Variants in MSI2 observed in about 807,000 individuals in gnomAD.
MSI2 encodes RNA-binding protein Musashi homolog 2.
In MSI2, 17 loss-of-function variants were observed where a neutral mutation model predicts 45.6. The ratio of observed to expected loss-of-function variants is 0.37; its 90% CI spans 0.26 to 0.56. The LOEUF (loss-of-function observed/expected upper bound fraction) is 0.56, where lower values mean the gene tolerates loss of function less well. Ranked by LOEUF, MSI2 falls within the 20% of genes least tolerant of loss-of-function variation. The probability of loss-of-function intolerance (pLI) is 0.77; values close to 1 mark genes in which losing one functional copy is unlikely to be tolerated. For synonymous variants in MSI2, 156 were observed against 158.2 expected (o/e 0.99, Z 0.11); for missense variants, 293 against 444.2 (o/e 0.66, Z 3.06).
rs1287326652 is a variant in MSI2 at position 57,627,437 on chromosome 17, C to T, written c.727+134C>T. The T allele has an allele frequency of 1.2e-6, 1 of 806,510 alleles. No individual in the cohort carries two copies. Among genetic ancestry groups the T allele is most frequent in the Non-Finnish European group, 2.1e-6 (1 of 476,580 alleles). 50.0% of individuals were successfully genotyped at this position (806,510 alleles called of 1,614,324 possible). On this transcript the variant is annotated intron_variant, in intron 10 of 13. Transcript: ENST00000284073. The surrounding 1 kb of genome is among the most constrained non-coding windows in gnomAD (Gnocchi z 4.6). ...AAAATGACCTATACATGATAAATTT[C>T]AAATCCACTGAAGTTCAAGGCCAGG...
At chr17:57,390,819 C>G (rs1038338680) in intron 5 of MSI2, among the ~76,000 whole-genome samples, 2 of 152,198 alleles carry the variant, frequency 1.3e-5, no homozygotes, top group Non-Finnish European at 2.9e-5. Flanking sequence ...TGGCTTCTCT[C>G]TGAAGCTTGG....
chr17:57,290,492 G>A (rs538660729), intron 5 of MSI2, among the ~76,000 whole-genome samples: 1 of 152,252 alleles, frequency 6.6e-6, no homozygotes, highest in South Asian at 2.1e-4. Flanking sequence ...AAAATTTTTT[G>A]TAGAGATGGG....
intron 13 of MSI2, among the ~76,000 whole-genome samples, chr17:57,678,699 G>C (rs1350892527): frequency 6.6e-6 from 1 of 152,178 alleles, no homozygotes; most frequent in African/African-American, 2.4e-5. Flanking sequence ...GGATGGGGGA[G>C]GCTGCTACCA....
chr17:57,273,214 T>C (rs1265904639), intron 5 of MSI2, among the ~76,000 whole-genome samples: 1 of 152,150 alleles, frequency 6.6e-6, no homozygotes, highest in African/African-American at 2.4e-5. Context: ...AGGGGGCCCT[T>C]AGGAAATTAG....
chr17:57,531,037 A>G (rs2086811127), intron 7 of MSI2, among the ~76,000 whole-genome samples: 1 of 152,114 alleles, frequency 6.6e-6, no homozygotes, highest in Non-Finnish European at 1.5e-5. Context: ...GTGTGGAATG[A>G]TCGATTTTGT....
In MSI2 at chr17:57,552,107, G is replaced by GTC. The variant is rs199974595; in HGVS notation, c.454+22388_454+22389dup. 4.8e-3 allele frequency among the ~76,000 whole-genome samples: 724 copies of GTC among 152,274 alleles called. 7 individuals are homozygous for GTC. The highest frequency in any genetic ancestry group is 0.017 in the African/African-American group (696 of 41,552). Reference sequence around the variant, plus strand: ...ACCCAGCTCATGTGACCTTCAGCAGGTCTCTCCTGCTGCTGCCCCAGGACT... The same window carrying GTC: ...ACCCAGCTCATGTGACCTTCAGCAGGTCTCTCTCCTGCTGCTGCCCCAGGACT... On this transcript the variant is annotated intron_variant, in intron 7 of 13. Transcript: ENST00000284073. This position sits in a 1 kb window ranked among gnomAD's most constrained non-coding sequence, Gnocchi z 4.3.
intron 10 of MSI2, among the ~76,000 whole-genome samples, chr17:57,643,173 A>G (rs1910382145): frequency 6.6e-6 from 1 of 152,072 alleles, no homozygotes; most frequent in Non-Finnish European, 1.5e-5. Flanking sequence ...AAGGTACCCT[A>G]CTGGAAGAGG....
intron 5 of MSI2, among the ~76,000 whole-genome samples, chr17:57,263,147 G>A (rs892346681): frequency 7.2e-5 from 11 of 152,092 alleles, no homozygotes; most frequent in African/African-American, 2.7e-4. Context: ...TTTTAATCGT[G>A]TAAAGAGAGG....
At chr17:57,655,334 C>T (rs1567962495) in intron 11 of MSI2, among the ~76,000 whole-genome samples, 1 of 152,194 alleles carries the variant, frequency 6.6e-6, no homozygotes, top group Non-Finnish European at 1.5e-5. Flanking sequence ...CCAGTGGCCC[C>T]ATCATGTCCC....
chr17:57,608,947 A>G (rs1227112716), intron 8 of MSI2, among the ~76,000 whole-genome samples: 1 of 152,172 alleles, frequency 6.6e-6, no homozygotes, highest in African/African-American at 2.4e-5. Context: ...CCAGGAAGAA[A>G]AAAGGCTGTG....
At chr17:57,314,546 G>A (rs1220334503) in intron 5 of MSI2, among the ~76,000 whole-genome samples, 1 of 146,218 alleles carries the variant, frequency 6.8e-6, no homozygotes, top group African/African-American at 2.5e-5. Flanking sequence ...GTGACCACCT[G>A]TTCAGTCAGG....
intron 8 of MSI2, among the ~76,000 whole-genome samples, chr17:57,615,566 T>C (rs1302235907): frequency 6.6e-6 from 1 of 152,186 alleles, no homozygotes; most frequent in Non-Finnish European, 1.5e-5. Flanking sequence ...TCAGGGGCAT[T>C]TGTAAATGTG....
At chr17:57,456,851 T>C (rs745933317) in intron 6 of MSI2, among the ~76,000 whole-genome samples, 90 of 152,346 alleles carry the variant, frequency 5.9e-4, no homozygotes, top group Middle Eastern at 6.8e-3. Context: ...TAAGTATCCT[T>C]GGCAGGAGAA....
intron 6 of MSI2, chr17:57,523,584 G>A (rs1387172148): frequency 6.6e-6 from 1 of 152,184 alleles, no homozygotes; most frequent in Non-Finnish European, 1.5e-5. Flanking sequence ...TGATTTTCAC[G>A]GTGCTCATTT....
intron 5 of MSI2, among the ~76,000 whole-genome samples, chr17:57,373,683 A>G (rs2083453062): frequency 1.3e-5 from 2 of 152,176 alleles, no homozygotes; most frequent in African/African-American, 4.8e-5. Context: ...AATTGGGAAG[A>G]TGGTGCTACA....
chr17:57,261,339 C>CT (rs1284376779), intron 4 of MSI2, among the ~76,000 whole-genome samples: 1 of 150,672 alleles, frequency 6.6e-6, no homozygotes, highest in Non-Finnish European at 1.5e-5. Flanking sequence ...ATTCTGACTA[C>CT]TTCTTGTATT....
chr17:57,462,194 C>G (rs2085243863), intron 6 of MSI2, among the ~76,000 whole-genome samples: 1 of 152,220 alleles, frequency 6.6e-6, no homozygotes, highest in African/African-American at 2.4e-5. Flanking sequence ...TCCCTGTGCT[C>G]ATGCCTGGGC....
intron 7 of MSI2, among the ~76,000 whole-genome samples, chr17:57,567,329 A>G (rs1305137634): frequency 2.0e-5 from 3 of 152,200 alleles, no homozygotes; most frequent in African/African-American, 2.4e-5. Context: ...TTTGTATTCA[A>G]TTTCATAAAC....
In MSI2 at chr17:57,507,178, G is replaced by C. The variant is rs1018391820; in HGVS notation, c.406-22498G>C. Among the ~76,000 whole-genome samples the C allele has an allele frequency of 2.8e-4, 42 of 147,952 alleles. 1 individual carries two copies. Among genetic ancestry groups the C allele is most frequent in the Admixed American group, 1.1e-3 (17 of 14,844 alleles). ...CTATCTGTTTCTCTGTGTGTGTTGGGGGGGGGGGGTGTAAATCTCTTCCCA... is the reference window on the plus strand; with the variant it reads ...CTATCTGTTTCTCTGTGTGTGTTGGCGGGGGGGGGTGTAAATCTCTTCCCA... On this transcript the variant is annotated intron_variant, in intron 6 of 13. Transcript: ENST00000284073.
Sources: allele counts gnomAD v4.1 joint callset (sites outside exome capture counted in the v4.1 genomes callset), GRCh38; gene constraint gnomAD v4.1.1; non-coding constraint Gnocchi (gnomAD v3.1); transcripts MANE v1.5; gene names NCBI Gene and HGNC (gene_info 2026-07-23, HGNC 2026-07-21).